The following SMYD3 variants were observed in gnomAD, a reference collection of about 807,000 sequenced individuals.
SMYD3 encodes histone-lysine N-methyltransferase SMYD3.
SMYD3 carries 36 observed loss-of-function variants against 57.7 expected under a neutral mutation model. The observed-to-expected ratio is 0.62, with a 90% CI of 0.48 to 0.82. The LOEUF is 0.82. Ranked by LOEUF, SMYD3 falls within the 40% of genes least tolerant of loss-of-function variation. The pLI is 0.00. For synonymous variants in SMYD3, 211 were observed against 195.0 expected (o/e 1.08, Z -0.68); for missense variants, 515 against 538.8 (o/e 0.96, Z 0.44).
intron 5 of SMYD3, among the ~76,000 whole-genome samples, chr1:245,972,250 AG>A (rs2058319808): frequency 6.6e-6 from 1 of 152,206 alleles, no homozygotes; most frequent in Non-Finnish European, 1.5e-5. Context: ...TTAGCTGGCT[AG>A]GTAAGTCTGG....
intron 6 of SMYD3, among the ~76,000 whole-genome samples, chr1:245,929,389 C>T (rs1242379781): frequency 6.6e-6 from 1 of 152,236 alleles, no homozygotes; most frequent in Non-Finnish European, 1.5e-5. Flanking sequence ...TGGTAAGAGT[C>T]AGCTCAGCAA....
At position 246,177,207 on chromosome 1, in the gene SMYD3, T is replaced by C. The variant is rs372194521; in HGVS notation, c.531+149994A>G. On this transcript the variant is annotated intron_variant, in intron 5 of 11. Transcript: ENST00000490107. ...TATACTGTTCTCTTCAGTAGAAACA[T>C]GTAGGAGTATGTTAGGGACAATCTC... is the stretch of plus-strand genomic sequence containing the variant. 3.5e-4 allele frequency among the ~76,000 whole-genome samples: 54 copies of C among 152,344 alleles called. No homozygotes were observed. The South Asian group carries it at 1.0e-2, about 28-fold the overall frequency.
chr1:246,017,379 C>T (rs2059395721), intron 5 of SMYD3, among the ~76,000 whole-genome samples: 3 of 152,170 alleles, frequency 2.0e-5, no homozygotes, highest in African/African-American at 7.2e-5. Flanking sequence ...CCTAGGTTCA[C>T]CAATCATTCC....
chr1:245,836,617 G>T (rs980648446), intron 10 of SMYD3, among the ~76,000 whole-genome samples: 1 of 152,296 alleles, frequency 6.6e-6, no homozygotes, highest in Middle Eastern at 3.4e-3. Context: ...TGAAGCTGCT[G>T]ACAGATGAAA....
In SMYD3 at chr1:245,890,231, G is replaced by A. The variant is rs1030851973; in HGVS notation, c.813+25299C>T. Among the ~76,000 whole-genome samples the A allele has an allele frequency of 4.6e-5, 7 of 152,180 alleles. No homozygotes were observed. In the East Asian group the frequency reaches 1.2e-3, roughly 25 times the overall value. On this transcript the variant is annotated intron_variant, in intron 8 of 11. Transcript: ENST00000490107. Reference sequence around the variant, plus strand: ...GCAACCAAAACAAAAATGGACAAATGGGATCACATCAAGTTAAAAGCTTCT... The same window carrying A: ...GCAACCAAAACAAAAATGGACAAATAGGATCACATCAAGTTAAAAGCTTCT...
intron 5 of SMYD3, among the ~76,000 whole-genome samples, chr1:246,134,595 C>T (rs1311878332): frequency 6.6e-6 from 1 of 151,994 alleles, no homozygotes; most frequent in African/African-American, 2.4e-5. Flanking sequence ...TAGCTTTCCA[C>T]AGTTTCTCAA....
At chr1:246,176,446 A>G (rs1241991053) in intron 5 of SMYD3, among the ~76,000 whole-genome samples, 5 of 152,236 alleles carry the variant, frequency 3.3e-5, no homozygotes, top group African/African-American at 1.2e-4. Context: ...GACTCTTTAA[A>G]ACATTGGAAA....
intron 5 of SMYD3, among the ~76,000 whole-genome samples, chr1:245,983,825 G>A (rs1339973495): frequency 1.3e-5 from 2 of 152,152 alleles, no homozygotes; most frequent in Non-Finnish European, 2.9e-5. Flanking sequence ...GGAATCAGTA[G>A]CAAGAAGAAC....
chr1:246,191,584 C>T (rs2062739735), intron 5 of SMYD3, among the ~76,000 whole-genome samples: 1 of 152,062 alleles, frequency 6.6e-6, no homozygotes, highest in African/African-American at 2.4e-5. Context: ...AAGAATAAGA[C>T]AAAAAGATCA....
chr1:246,065,972 T>C (rs2060333640), intron 5 of SMYD3, among the ~76,000 whole-genome samples: 1 of 152,230 alleles, frequency 6.6e-6, no homozygotes. Context: ...CATCTGTTTT[T>C]GTTGTAAACT....
chr1:245,969,266 T>C (rs571586833), intron 5 of SMYD3, among the ~76,000 whole-genome samples: 4 of 152,326 alleles, frequency 2.6e-5, no homozygotes, highest in Admixed American at 2.0e-4. Flanking sequence ...GGCTAGAACA[T>C]AAAAGATAGC....
chr1:246,257,779 G>A (rs1038651259), intron 5 of SMYD3, among the ~76,000 whole-genome samples: 1 of 152,132 alleles, frequency 6.6e-6, no homozygotes, highest in Admixed American at 6.5e-5. Flanking sequence ...ACTTGATATG[G>A]TTTGGATCTG....
intron 5 of SMYD3, among the ~76,000 whole-genome samples, chr1:246,224,666 A>G (rs926184793): frequency 2.0e-5 from 3 of 152,064 alleles, no homozygotes; most frequent in East Asian, 3.9e-4. Context: ...GAAGACTACT[A>G]TGATTGCTCA....
intron 8 of SMYD3, among the ~76,000 whole-genome samples, chr1:245,867,524 TACTG>T (rs2051923479): frequency 6.6e-6 from 1 of 152,158 alleles, no homozygotes; most frequent in Non-Finnish European, 1.5e-5. Flanking sequence ...CATTAACACT[TACTG>T]AGTACCTAAC....
chr1:246,367,378 A>T (rs569756455), intron 1 of SMYD3, among the ~76,000 whole-genome samples: 27 of 152,202 alleles, frequency 1.8e-4, no homozygotes, highest in Non-Finnish European at 3.4e-4. Flanking sequence ...ATATAAACTA[A>T]ATTTGAAGAT....
intron 5 of SMYD3, among the ~76,000 whole-genome samples, chr1:246,164,935 A>C (rs2062181270): frequency 6.6e-6 from 1 of 152,258 alleles, no homozygotes; most frequent in Admixed American, 6.5e-5. Context: ...AGTCAGCCAC[A>C]CAGAGACGGT....
intron 5 of SMYD3, among the ~76,000 whole-genome samples, chr1:246,221,810 C>T (rs1426256514): frequency 6.6e-6 from 1 of 152,150 alleles, no homozygotes; most frequent in Non-Finnish European, 1.5e-5. Context: ...AGGCTGGTAG[C>T]ATGAGCTGAG....
chr1:246,326,310 A>T (rs2065347545), intron 5 of SMYD3: 1 of 652,170 alleles, frequency 1.5e-6, no homozygotes, highest in African/African-American at 1.9e-5. Flanking sequence ...GAAAGCGAGG[A>T]CAGCAGATCC....
chr1:245,807,484 G>T (rs1046581890), intron 10 of SMYD3, among the ~76,000 whole-genome samples: 2 of 152,158 alleles, frequency 1.3e-5, no homozygotes, highest in African/African-American at 4.8e-5. Flanking sequence ...GACAACTCAG[G>T]ACTGTACCCC....
Sources: gnomAD v4.1 joint callset for allele counts (sites outside exome capture counted in the v4.1 genomes callset) on GRCh38, gnomAD v4.1.1 for gene constraint, MANE v1.5 for transcripts, NCBI Gene and HGNC (gene_info 2026-07-23, HGNC 2026-07-21) for gene names.